NNT: variants seen among roughly 807,000 people sequenced by gnomAD.
The protein encoded by NNT is nicotinamide nucleotide transhydrogenase.
Under a neutral mutation model 104.8 loss-of-function variants are expected in NNT, and 50 were observed. The observed-to-expected ratio is 0.48, with a 90% CI of 0.38 to 0.60. The LOEUF is 0.60. Among genes scored for constraint, NNT ranks in the 20% least tolerant of loss-of-function variants. The probability of loss-of-function intolerance (pLI) is 0.00; values close to 1 mark genes in which losing one functional copy is unlikely to be tolerated. For missense variants in NNT, 1,131 were observed against 1,330.7 expected (o/e 0.85, Z 2.33); for synonymous variants, 461 against 490.4 (o/e 0.94, Z 0.79).
chr5:43,693,148 C>G (rs994187547), intron 19 of NNT, among the ~76,000 whole-genome samples: 8 of 151,972 alleles, frequency 5.3e-5, no homozygotes, highest in Non-Finnish European at 1.0e-4. Flanking sequence ...GGTTAAAAGT[C>G]TGGAACTTGA....
rs771773703 is a variant in NNT at position 43,675,684 on chromosome 5, G to A, written c.2794+14G>A. The A allele has an allele frequency of 6.4e-7, 1 of 1,574,120 alleles. No homozygotes were observed. Among genetic ancestry groups the A allele is most frequent in the Non-Finnish European group, 8.6e-7 (1 of 1,160,828 alleles). The stretch of plus-strand genomic sequence containing the variant: ...TTATTACACCAGGTAAAGAAAAAAA[G>A]CAAAAGCAAATAACCTATAATAGCT... On this transcript the variant is annotated intron_variant, in intron 18 of 21. Transcript: ENST00000344920.
chr5:43,656,770 G>T lies in NNT; in HGVS notation c.2411G>T (p.Gly804Val). The change falls in exon 16 of 22, where the codon GGC becomes GTC. Residue 804 changes from glycine to valine, a missense_variant. Transcript: ENST00000344920. ...ATGGTGGACCCAAGCTTTACTACTG[G>T]CATCACCTGTCTGGGTTCAGTGTCT... Reference protein sequence around the residue: ...PFMVDPSFTTGITCLGSVSAL... With the variant: ...PFMVDPSFTTVITCLGSVSAL... 1 of 1,614,102 alleles carries T rather than the reference G, an allele frequency of 6.2e-7. No homozygotes were observed. Among genetic ancestry groups the T allele is most frequent in the East Asian group, 2.2e-5 (1 of 44,874 alleles).
intron 17 of NNT, among the ~76,000 whole-genome samples, chr5:43,669,600 T>C (rs985951797): frequency 1.2e-4 from 19 of 152,268 alleles, no homozygotes; most frequent in African/African-American, 4.1e-4. Context: ...TTTGTGTATG[T>C]TGAACCAGCC....
chr5:43,630,528 A>G (rs1433409167), intron 7 of NNT, among the ~76,000 whole-genome samples: 1 of 152,142 alleles, frequency 6.6e-6, no homozygotes, highest in African/African-American at 2.4e-5. Context: ...TCAGTTTTAA[A>G]TTATTTCCTT....
intron 7 of NNT, among the ~76,000 whole-genome samples, chr5:43,638,362 A>G (rs1452975395): frequency 1.3e-5 from 2 of 152,160 alleles, no homozygotes; most frequent in Admixed American, 6.6e-5. Flanking sequence ...GAAAATCAGC[A>G]TAGTGATAAA....
At chr5:43,664,391 T>A (rs1462344263) in intron 17 of NNT, among the ~76,000 whole-genome samples, 2 of 152,186 alleles carry the variant, frequency 1.3e-5, no homozygotes, top group Non-Finnish European at 2.9e-5. Flanking sequence ...ATGAAGTGGA[T>A]CAAAAGCCAA....
chr5:43,612,851 A>G (rs943944814), intron 2 of NNT, 57 bp from the exon 3 acceptor site: 7 of 1,302,548 alleles, frequency 5.4e-6, no homozygotes, highest in Non-Finnish European at 6.5e-6. Flanking sequence ...GTTTTTAAAC[A>G]TTTTTTGTTT....
At chr5:43,678,993 G>A (rs996354478) in intron 19 of NNT, among the ~76,000 whole-genome samples, 43 of 152,094 alleles carry the variant, frequency 2.8e-4, no homozygotes, top group African/African-American at 9.4e-4. Flanking sequence ...TTTGTGGTGG[G>A]ACCAGCATTT....
chr5:43,679,138 G>A (rs1741572999), intron 19 of NNT, among the ~76,000 whole-genome samples: 1 of 151,716 alleles, frequency 6.6e-6, no homozygotes, highest in Non-Finnish European at 1.5e-5. Flanking sequence ...TTTTTACATA[G>A]GATATTAAGC....
chr5:43,704,465 T>G lies in NNT; in HGVS notation c.*61T>G. 6.4e-7 allele frequency: 1 copy of G among 1,561,454 alleles called. No homozygotes were observed. The highest frequency in any genetic ancestry group is 8.8e-7 in the Non-Finnish European group (1 of 1,138,338). On this transcript the variant is annotated 3_prime_UTR_variant, in exon 22 of 22. Coordinates refer to ENST00000344920, the MANE Select transcript of NNT (RefSeq NM_182977.3). ...CTCTGCAGTTTTGGGAACAGGCAAA[T>G]AAAGTATCAGTATACATGGTGATGT... is the stretch of plus-strand genomic sequence containing the variant.
At chr5:43,620,020 A>G (rs1210233029) in intron 5 of NNT, among the ~76,000 whole-genome samples, 1 of 151,990 alleles carries the variant, frequency 6.6e-6, no homozygotes, top group Non-Finnish European at 1.5e-5. Flanking sequence ...GGAGGGCATT[A>G]ATCTGTTCAT....
chr5:43,604,268 A>G (rs1035380415), intron 1 of NNT, among the ~76,000 whole-genome samples: 2 of 152,142 alleles, frequency 1.3e-5, no homozygotes, highest in Non-Finnish European at 2.9e-5. Context: ...TGTAGGACAG[A>G]CTTATTCGGA....
At position 43,645,352 on chromosome 5, in the gene NNT, A is replaced by G. The variant is rs374047209; in HGVS notation, c.1291-5A>G. 2.0e-6 allele frequency: 3 copies of G among 1,519,978 alleles called. No individual in the cohort carries two copies. Among genetic ancestry groups the G allele is most frequent in the East Asian group, 2.5e-5 (1 of 39,956 alleles). The allele number at this position is 1,519,978 out of a possible 1,614,324, so 94.2% of individuals were successfully genotyped here. ...TAATACGTACTATTTTTTAATGTCT[A>G]TTAGGATGGTAAAGTGATTTTCCCA... On this transcript the variant is annotated splice_region_variant and splice_polypyrimidine_tract_variant and intron_variant, in intron 9 of 21. Coordinates refer to ENST00000344920, the MANE Select transcript of NNT (RefSeq NM_182977.3).
chr5:43,694,738 T>TTGTGTG (rs61079918), intron 19 of NNT, among the ~76,000 whole-genome samples: 9,648 of 137,838 alleles, frequency 0.07, 382 homozygotes, highest in Middle Eastern at 0.14. Context: ...GGCCTAAAGT[T>TTGTGTG]TGTGTGTGTG....
chr5:43,629,420 A>G (rs1276276494), intron 7 of NNT, among the ~76,000 whole-genome samples: 2 of 152,270 alleles, frequency 1.3e-5, no homozygotes, highest in Admixed American at 1.3e-4. Flanking sequence ...GCAACTGTGA[A>G]TTGTGCTGCT....
rs1016706072 is a variant in NNT at position 43,615,688 on chromosome 5, G to A, written c.382-160G>A. 7.9e-5 allele frequency among the ~76,000 whole-genome samples: 12 copies of A among 152,154 alleles called. No homozygotes were observed. In the South Asian group the frequency reaches 1.7e-3, roughly 21 times the overall value. On this transcript the variant is annotated intron_variant, in intron 3 of 21. Coordinates refer to ENST00000344920, the MANE Select transcript of NNT (RefSeq NM_182977.3). The stretch of plus-strand genomic sequence containing the variant: ...GGGGATAGATGGTATACCTCTGTGT[G>A]TGCCTTATATTGCTTAAGAATTTAG...
intron 18 of NNT, among the ~76,000 whole-genome samples, chr5:43,676,146 T>C (rs1189258486): frequency 1.3e-5 from 2 of 152,094 alleles, no homozygotes; most frequent in African/African-American, 4.8e-5. Context: ...TGGTATGGAG[T>C]CACGATACCT....
At chr5:43,684,531 T>C (rs1335955778) in intron 19 of NNT, among the ~76,000 whole-genome samples, 1 of 152,140 alleles carries the variant, frequency 6.6e-6, no homozygotes, top group East Asian at 1.9e-4. Flanking sequence ...TTAGTTTTTG[T>C]GGACAGCAGT....
In NNT at chr5:43,615,961, T is replaced by A; in HGVS notation, c.495T>A (p.Asn165Lys). The A allele has an allele frequency of 6.2e-7, 1 of 1,614,166 alleles. No homozygotes were observed. Among genetic ancestry groups the A allele is most frequent in the South Asian group, 1.1e-5 (1 of 91,082 alleles). The part of the protein sequence containing the change: ...IYPAQNPELL[N>K]KLSQRKTTVL... ...CAGCCCAAAATCCAGAGTTGCTAAATAAACTTTCCCAAAGAAAAACTACAG... is the reference window on the plus strand; with the variant it reads ...CAGCCCAAAATCCAGAGTTGCTAAAAAAACTTTCCCAAAGAAAAACTACAG... Residue 165 changes from asparagine (N) to lysine (K), a missense_variant, in exon 4 of 22, where the codon AAT becomes AAA. By Grantham distance (94) the Asn-to-Lys change is moderately conservative. Coordinates refer to ENST00000344920, the MANE Select transcript of NNT (RefSeq NM_182977.3).
Sources: allele counts gnomAD v4.1 joint callset (sites outside exome capture counted in the v4.1 genomes callset), GRCh38; gene constraint gnomAD v4.1.1; transcripts MANE v1.5; gene names NCBI Gene and HGNC (gene_info 2026-07-23, HGNC 2026-07-21).